Variants in KANK1 observed in about 807,000 individuals in gnomAD.
The protein encoded by KANK1 is KN motif and ankyrin repeat domain-containing protein 1.
In KANK1, 109 loss-of-function variants were observed where a neutral mutation model predicts 106.2. The observed-to-expected ratio is 1.03, with a 90% CI of 0.88 to 1.20. The LOEUF (loss-of-function observed/expected upper bound fraction) is 1.20. Among genes scored for constraint, KANK1 ranks in the 50% most tolerant of loss-of-function variants. KANK1 has a pLI of 0.00. For synonymous variants in KANK1, 873 were observed against 652.2 expected (o/e 1.34, Z -5.16); for missense variants, 2,399 against 1,710.7 (o/e 1.40, Z -7.10).
chr9:697,692 G>A (rs933546415), intron 2 of KANK1, among the ~76,000 whole-genome samples: 3 of 152,074 alleles, frequency 2.0e-5, no homozygotes, highest in Non-Finnish European at 2.9e-5. Context: ...ATAGCATGAT[G>A]GACTCACAAG....
chr9:518,311 T>A (rs905086589), intron 1 of KANK1, among the ~76,000 whole-genome samples: 1 of 151,800 alleles, frequency 6.6e-6, no homozygotes, highest in South Asian at 2.1e-4. Flanking sequence ...AAAGCGGTTG[T>A]TCACATGTTG....
intron 3 of KANK1, among the ~76,000 whole-genome samples, chr9:495,784 A>T (rs1041262355): frequency 6.6e-6 from 1 of 152,088 alleles, no homozygotes; most frequent in African/African-American, 2.4e-5. Flanking sequence ...ATCTCCCATT[A>T]AAGTTTGTCT....
At chr9:571,280 G>A (rs1819095432) in intron 1 of KANK1, among the ~76,000 whole-genome samples, 2 of 152,230 alleles carry the variant, frequency 1.3e-5, no homozygotes, top group South Asian at 2.1e-4. Flanking sequence ...TAAACCAGAG[G>A]AAGCCTTTGC....
At chr9:650,097 A>C (rs1443325414) in intron 1 of KANK1, among the ~76,000 whole-genome samples, 1 of 152,158 alleles carries the variant, frequency 6.6e-6, no homozygotes. Context: ...AATTTGTATA[A>C]AGGTGGAGGG....
intron 3 of KANK1, among the ~76,000 whole-genome samples, chr9:494,733 C>T (rs2058432930): frequency 6.6e-6 from 1 of 152,176 alleles, no homozygotes; most frequent in Admixed American, 6.5e-5. Flanking sequence ...TCTATACTGG[C>T]TGTATAGCAT....
intron 1 of KANK1, among the ~76,000 whole-genome samples, chr9:656,315 C>G (rs911012933): frequency 6.6e-6 from 1 of 152,256 alleles, no homozygotes; most frequent in Non-Finnish European, 1.5e-5. Flanking sequence ...GTTTAAGTCC[C>G]GTCTGTGGAA....
chr9:559,871 A>G (rs1467976150), intron 1 of KANK1, among the ~76,000 whole-genome samples: 3 of 152,148 alleles, frequency 2.0e-5, no homozygotes, highest in Non-Finnish European at 2.9e-5. Flanking sequence ...TCTGTTCTTC[A>G]CATACTCTTC....
chr9:731,305 G>T (rs1411844703), intron 5 of KANK1, 39 bp downstream of exon 5: 4 of 1,240,502 alleles, frequency 3.2e-6, no homozygotes, highest in South Asian at 2.5e-5. Context: ...AATGCTGTCA[G>T]TCTCCTTTAC....
intron 1 of KANK1, among the ~76,000 whole-genome samples, chr9:554,112 C>G (rs1213167840): frequency 2.6e-5 from 4 of 152,140 alleles, no homozygotes; most frequent in Non-Finnish European, 5.9e-5. Flanking sequence ...TAGGAATTGG[C>G]TCATGTGATT....
intron 2 of KANK1, among the ~76,000 whole-genome samples, chr9:700,754 G>A (rs1822460086): frequency 6.6e-6 from 1 of 152,180 alleles, no homozygotes; most frequent in South Asian, 2.1e-4. Flanking sequence ...AGTCAGGTGT[G>A]GTATCTGGCG....
At chr9:534,997 G>GAT (rs1372777496) in intron 1 of KANK1, among the ~76,000 whole-genome samples, 1 of 152,146 alleles carries the variant, frequency 6.6e-6, no homozygotes, top group African/African-American at 2.4e-5. Context: ...TTTCTTTGAG[G>GAT]ATGCCCCCTT....
chr9:475,174 A>C (rs887062060), intron 3 of KANK1, among the ~76,000 whole-genome samples: 1 of 152,176 alleles, frequency 6.6e-6, no homozygotes, highest in Non-Finnish European at 1.5e-5. Flanking sequence ...CTAAGAGGCA[A>C]AGTGGCGGAG....
At chr9:714,718 C>G (rs1162197468) in intron 3 of KANK1, among the ~76,000 whole-genome samples, 2 of 152,154 alleles carry the variant, frequency 1.3e-5, no homozygotes, top group East Asian at 3.8e-4. Flanking sequence ...GATTCCTGCT[C>G]ACTCTTCCTT....
intron 1 of KANK1, among the ~76,000 whole-genome samples, chr9:578,403 T>G (rs1821166631): frequency 6.6e-6 from 1 of 152,058 alleles, no homozygotes; most frequent in South Asian, 2.1e-4. Flanking sequence ...TTAGCAACAT[T>G]GTTGACATGG....
chr9:668,870 C>G (rs976548499), intron 1 of KANK1, among the ~76,000 whole-genome samples: 1 of 152,042 alleles, frequency 6.6e-6, no homozygotes, highest in Non-Finnish European at 1.5e-5. Flanking sequence ...AAGGAACGCT[C>G]AACCTAGATC....
At chr9:483,281 G>T (rs1430250516) in intron 3 of KANK1, among the ~76,000 whole-genome samples, 1 of 152,144 alleles carries the variant, frequency 6.6e-6, no homozygotes, top group East Asian at 1.9e-4. Context: ...GTATGGTAAT[G>T]CAGCATTCTC....
chr9:577,028 C>A (rs1317635807), intron 1 of KANK1, among the ~76,000 whole-genome samples: 1 of 152,152 alleles, frequency 6.6e-6, no homozygotes, highest in Non-Finnish European at 1.5e-5. Flanking sequence ...CCAGTGGGTT[C>A]ATGGCCTCGC....
intron 1 of KANK1, among the ~76,000 whole-genome samples, chr9:591,533 G>T (rs1824876687): frequency 6.6e-6 from 1 of 151,662 alleles, no homozygotes; most frequent in African/African-American, 2.4e-5. Context: ...CAGCCCCACT[G>T]GTCTCTTCTC....
chr9:478,949 G>A (rs922764642), intron 3 of KANK1, among the ~76,000 whole-genome samples: 4 of 134,138 alleles, frequency 3.0e-5, no homozygotes, highest in Non-Finnish European at 6.3e-5. Context: ...TGAGAGTTTC[G>A]CTTTGTGGTC....
Sources: gnomAD v4.1 joint callset for allele counts (sites outside exome capture counted in the v4.1 genomes callset) on GRCh38, gnomAD v4.1.1 for gene constraint, MANE v1.5 for transcripts, NCBI Gene and HGNC (gene_info 2026-07-23, HGNC 2026-07-21) for gene names.